Variants in WDR27 observed in about 807,000 individuals in gnomAD.
WDR27 encodes WD repeat-containing protein 27.
WDR27 carries 100 observed loss-of-function variants against 114.4 expected under a neutral mutation model. The observed-to-expected ratio is 0.87, with a 90% CI of 0.74 to 1.03. The LOEUF is 1.03. WDR27 is among the 50% of genes least tolerant of loss of function. The pLI is 0.00. For synonymous variants in WDR27, 449 were observed against 423.1 expected (o/e 1.06, Z -0.75); for missense variants, 1,129 against 1,092.9 (o/e 1.03, Z -0.47).
In WDR27 at chr6:169,637,494, G is replaced by A. The variant is rs141641888; in HGVS notation, c.1870-990C>T. On this transcript the variant is annotated intron_variant, in intron 18 of 25. Coordinates refer to ENST00000448612, the MANE Select transcript of WDR27 (RefSeq NM_182552.5). ...GTGCCTATTGCATGTGTATTAATACGTGGCAAATATGTAAGTGTATGTGTA... is the reference window on the plus strand; with the variant it reads ...GTGCCTATTGCATGTGTATTAATACATGGCAAATATGTAAGTGTATGTGTA... 6.5e-3 allele frequency among the ~76,000 whole-genome samples: 987 copies of A among 152,266 alleles called. 39 individuals carry two copies. The South Asian group carries it at 0.11, about 17-fold the overall frequency.
At chr6:169,574,975 T>C (rs1802012514) in intron 24 of WDR27, among the ~76,000 whole-genome samples, 1 of 152,172 alleles carries the variant, frequency 6.6e-6, no homozygotes, top group Non-Finnish European at 1.5e-5. Context: ...GACTTCACCC[T>C]GGTATTTGTC....
intron 25 of WDR27, among the ~76,000 whole-genome samples, chr6:169,506,491 A>G (rs1237245779): frequency 6.6e-6 from 1 of 152,226 alleles, no homozygotes; most frequent in Non-Finnish European, 1.5e-5. Flanking sequence ...GACTGTCTGG[A>G]AGTCCAGTGA....
At chr6:169,614,869 A>G (rs1811421457) in intron 21 of WDR27, among the ~76,000 whole-genome samples, 1 of 152,218 alleles carries the variant, frequency 6.6e-6, no homozygotes, top group Non-Finnish European at 1.5e-5. Flanking sequence ...GGCTTAGTTT[A>G]ACAAAAAGAC....
intron 6 of WDR27, chr6:169,666,398 G>C (rs1006972756): frequency 3.0e-6 from 3 of 985,222 alleles, no homozygotes; most frequent in South Asian, 9.4e-5. Flanking sequence ...GCTTTAAGTG[G>C]CATTTTCATG....
At chr6:169,655,676 C>A (rs186005695) in intron 13 of WDR27, among the ~76,000 whole-genome samples, 3 of 152,300 alleles carry the variant, frequency 2.0e-5, no homozygotes, top group East Asian at 3.9e-4. Flanking sequence ...GCTGGCGATG[C>A]CCCTGCCTGG....
chr6:169,593,464 T>A (rs938425037), intron 23 of WDR27, among the ~76,000 whole-genome samples: 1 of 152,186 alleles, frequency 6.6e-6, no homozygotes, highest in Non-Finnish European at 1.5e-5. Context: ...TGCTTCTGCC[T>A]CCTCCTCATT....
intron 25 of WDR27, among the ~76,000 whole-genome samples, chr6:169,473,355 C>T (rs557186874): frequency 6.6e-6 from 1 of 152,144 alleles, no homozygotes; most frequent in African/African-American, 2.4e-5. Context: ...CTGTGGAACT[C>T]AATGAACTAG....
intron 25 of WDR27, among the ~76,000 whole-genome samples, chr6:169,477,551 G>A (rs1283326877): frequency 1.3e-5 from 2 of 152,094 alleles, no homozygotes; most frequent in African/African-American, 4.8e-5. Flanking sequence ...CAATTCTTGT[G>A]CCCCAGCCTC....
chr6:169,429,445 T>C, the WDR27 span, among the ~76,000 whole-genome samples: 220 of 151,574 alleles, frequency 1.5e-3, 1 homozygote, highest in African/African-American at 4.9e-3. Context: ...TTTTTTTTTT[T>C]CCCAACTGAG....
intron 1 of WDR27, among the ~76,000 whole-genome samples, chr6:169,692,405 A>AT (rs1784747746): frequency 6.6e-6 from 1 of 152,140 alleles, no homozygotes; most frequent in Non-Finnish European, 1.5e-5. Context: ...AGTGCTACAG[A>AT]TATGAGCACA....
chr6:169,432,114 C>A, the WDR27 span, among the ~76,000 whole-genome samples: 1 of 152,210 alleles, frequency 6.6e-6, no homozygotes, highest in Non-Finnish European at 1.5e-5. Context: ...CAGTCACACA[C>A]ACAAACATTT....
intron 23 of WDR27, among the ~76,000 whole-genome samples, chr6:169,588,346 G>A (rs1320464409): frequency 2.6e-5 from 4 of 152,170 alleles, no homozygotes; most frequent in African/African-American, 9.7e-5. Flanking sequence ...AAAGATGTGT[G>A]TATATTTTAT....
At chr6:169,666,200 T>C (rs1045369237) in intron 6 of WDR27, among the ~76,000 whole-genome samples, 4 of 152,302 alleles carry the variant, frequency 2.6e-5, no homozygotes, top group South Asian at 2.1e-4. Context: ...AGTAATTCCA[T>C]ATAATTAATT....
intron 25 of WDR27, among the ~76,000 whole-genome samples, chr6:169,566,854 T>G (rs1800587176): frequency 6.6e-6 from 1 of 152,206 alleles, no homozygotes; most frequent in Non-Finnish European, 1.5e-5. Context: ...AGATGTGCAT[T>G]TGAGACAGTG....
At chr6:169,516,390 A>G (rs949142982) in intron 25 of WDR27, among the ~76,000 whole-genome samples, 5 of 152,196 alleles carry the variant, frequency 3.3e-5, no homozygotes, top group Non-Finnish European at 7.3e-5. Flanking sequence ...ACTGTGACCT[A>G]TCTGATGCCT....
intron 25 of WDR27, among the ~76,000 whole-genome samples, chr6:169,511,619 C>T (rs1159724656): frequency 1.3e-5 from 2 of 152,040 alleles, no homozygotes; most frequent in Non-Finnish European, 2.9e-5. Flanking sequence ...TTCTTATTCT[C>T]TAAGTACATA....
At chr6:169,676,700 T>G (rs1780156177) in intron 2 of WDR27, among the ~76,000 whole-genome samples, 1 of 152,186 alleles carries the variant, frequency 6.6e-6, no homozygotes, top group South Asian at 2.1e-4. Flanking sequence ...TTCTATTGAG[T>G]CTAGGTCTTT....
chr6:169,657,019 C>T (rs1448210834), intron 13 of WDR27, among the ~76,000 whole-genome samples: 1 of 152,148 alleles, frequency 6.6e-6, no homozygotes, highest in Non-Finnish European at 1.5e-5. Flanking sequence ...GATGGGACGG[C>T]AGCAGAGCAT....
intron 23 of WDR27, among the ~76,000 whole-genome samples, chr6:169,600,859 G>C (rs1351943744): frequency 6.6e-6 from 1 of 152,206 alleles, no homozygotes; most frequent in East Asian, 1.9e-4. Context: ...GAAAGTGACA[G>C]GGAGAATGGA....
Sources: gnomAD v4.1 joint callset for allele counts (sites outside exome capture counted in the v4.1 genomes callset) on GRCh38, gnomAD v4.1.1 for gene constraint, MANE v1.5 for transcripts, NCBI Gene and HGNC (gene_info 2026-07-23, HGNC 2026-07-21) for gene names.